NF1: variants seen among roughly 807,000 people sequenced by gnomAD.
NF1 encodes the protein neurofibromin.
A neutral mutation model predicts 325.7 loss-of-function variants in NF1; 122 were observed. The observed-to-expected ratio is 0.37, with a 90% CI of 0.32 to 0.44. NF1 has a LOEUF of 0.44. NF1 is among the 20% of genes least tolerant of loss of function. The probability of loss-of-function intolerance (pLI) is 1.00; values close to 1 mark genes in which losing one functional copy is unlikely to be tolerated. For missense variants in NF1, 2,140 were observed against 3,415.4 expected (o/e 0.63, Z 9.31); for synonymous variants, 1,091 against 1,186.0 (o/e 0.92, Z 1.65).
intron 13 of NF1, among the ~76,000 whole-genome samples, chr17:31,215,948 A>G (rs1443596528): frequency 1.3e-5 from 2 of 152,176 alleles, no homozygotes; most frequent in African/African-American, 4.8e-5. Flanking sequence ...GAGAGGAGAG[A>G]AGAAGGAACA....
At chr17:31,331,917 A>AAAAAAAAC (rs2069504165) in intron 39 of NF1, 1 of 138,036 alleles carries the variant, frequency 7.2e-6, no homozygotes, top group African/African-American at 2.6e-5. Context: ...AAAAAAAAAA[A>AAAAAAAAC]AAAAAAAAAA....
At chr17:31,217,317 T>C (rs2066835636) in intron 13 of NF1, among the ~76,000 whole-genome samples, 1 of 256 alleles carries the variant, frequency 3.9e-3, no homozygotes, top group Admixed American at 0.013. Flanking sequence ...ATATTCTTCT[T>C]TTTTTTTTTT....
At chr17:31,298,625 T>C (rs2068513328) in intron 36 of NF1, among the ~76,000 whole-genome samples, 1 of 152,102 alleles carries the variant, frequency 6.6e-6, no homozygotes, top group Admixed American at 6.5e-5. Flanking sequence ...TAGAAGTTTA[T>C]TGTTGATTGG....
intron 1 of NF1, among the ~76,000 whole-genome samples, chr17:31,106,305 A>T (rs1912857609): frequency 6.6e-6 from 1 of 152,218 alleles, no homozygotes; most frequent in South Asian, 2.1e-4. Flanking sequence ...TATGAATCTT[A>T]TATGAAAGGA....
At chr17:31,318,660 A>G (rs1248384149) in intron 36 of NF1, 1 of 1,614,118 alleles carries the variant, frequency 6.2e-7, no homozygotes, top group Non-Finnish European at 8.5e-7. Flanking sequence ...TGAAAATTTC[A>G]CCATGACTTT....
At chr17:31,212,457 C>T (rs752963388) in intron 12 of NF1, among the ~76,000 whole-genome samples, 2 of 152,200 alleles carry the variant, frequency 1.3e-5, no homozygotes, top group Non-Finnish European at 2.9e-5. Context: ...GCCTGTAGTC[C>T]CAGCACTTTG....
At position 31,114,547 on chromosome 17, in the gene NF1, TAAA is replaced by T. The variant is rs143972435; in HGVS notation, c.60+19188_60+19190del. ...AGTGAGACTGTCTCACAAAAAAGAATAAAAAAAAAAAAGAAAAAAAGACCATGG... is the reference window on the plus strand; with the variant it reads ...AGTGAGACTGTCTCACAAAAAAGAATAAAAAAAAAGAAAAAAAGACCATGG... On this transcript the variant is annotated intron_variant, in intron 1 of 57. Transcript: ENST00000358273. Among the ~76,000 whole-genome samples the T allele has an allele frequency of 8.8e-5, 9 of 102,038 alleles. No homozygotes were observed. In the East Asian group the frequency reaches 2.6e-3, roughly 30 times the overall value. 66.9% of individuals were successfully genotyped at this position (102,038 alleles called of 152,430 possible). A position where few individuals can be genotyped will look rare whatever the true frequency, so the allele number is the denominator to read the frequency against.
At chr17:31,234,670 C>CA (rs754308242) in intron 27 of NF1, among the ~76,000 whole-genome samples, 920 of 56,112 alleles carry the variant, frequency 0.016, 68 homozygotes, top group East Asian at 0.03. Flanking sequence ...GACTCTGTCT[C>CA]AAAAAAAAAA....
intron 31 of NF1, among the ~76,000 whole-genome samples, chr17:31,256,230 T>A (rs1028120873): frequency 6.6e-6 from 1 of 152,136 alleles, no homozygotes; most frequent in Non-Finnish European, 1.5e-5. Context: ...CTCCACCTCC[T>A]GGGTTTAAGC....
intron 50 of NF1, among the ~76,000 whole-genome samples, 195 bp from the exon 51 acceptor site, chr17:31,352,062 C>T (rs952616124): frequency 6.6e-6 from 1 of 152,068 alleles, no homozygotes; most frequent in African/African-American, 2.4e-5. Flanking sequence ...CTACTATGTG[C>T]AAGATACTAT....
rs928979051 is a variant in NF1, at chr17:31,226,421, C to T, written c.2002-14C>T. On this transcript the variant is annotated splice_polypyrimidine_tract_variant and intron_variant, in intron 17 of 57. Transcript: ENST00000358273. The stretch of plus-strand genomic sequence containing the variant: ...CCAAGTTGCAAATATATGTCTTCCA[C>T]CCTTGACTCTCAGGATAGTGCAGCA... 5 of 1,612,310 alleles carry T rather than the reference C, an allele frequency of 3.1e-6. No homozygotes were observed. Among genetic ancestry groups the T allele is most frequent in the Admixed American group, 1.7e-5 (1 of 59,834 alleles).
intron 3 of NF1, among the ~76,000 whole-genome samples, chr17:31,161,225 T>A (rs1238196300): frequency 6.6e-6 from 1 of 152,226 alleles, no homozygotes; most frequent in South Asian, 2.1e-4. Context: ...TTTAAAAGAT[T>A]TAATACTTCT....
At chr17:31,124,847 C>T (rs764263377) in intron 1 of NF1, among the ~76,000 whole-genome samples, 13 of 150,578 alleles carry the variant, frequency 8.6e-5, no homozygotes, top group Non-Finnish European at 1.5e-4. Context: ...ATGATCTGTC[C>T]GCCTTGGCCT....
At position 31,305,412 on chromosome 17, in the gene NF1, A is replaced by G. The variant is rs749796377; in HGVS notation, c.4836-20408A>G. ...TGGCAGGTGATATTGATTGTCCAGAAAAAGTGTCGCTGAATTGTGTTGGTT... is the reference window on the plus strand; with the variant it reads ...TGGCAGGTGATATTGATTGTCCAGAGAAAGTGTCGCTGAATTGTGTTGGTT... On this transcript the variant is annotated intron_variant, in intron 36 of 57. Transcript: ENST00000358273. The G allele has an allele frequency of 3.7e-6, 6 of 1,614,070 alleles. No homozygotes were observed. The East Asian group carries it at 6.7e-5, about 18-fold the overall frequency.
chr17:31,207,121 A>G lies in NF1; in HGVS notation c.1392+750A>G, dbSNP rs991539772. Among the ~76,000 whole-genome samples, 21 of 152,184 alleles carry G rather than the reference A, an allele frequency of 1.4e-4. No homozygotes were observed. The highest frequency in any genetic ancestry group is 2.6e-4 in the Admixed American group (4 of 15,276). On this transcript the variant is annotated intron_variant, in intron 12 of 57. Transcript: ENST00000358273. ...CTTTGTCTTCTGCTTCTTATTTTCT[A>G]TTATTGGCTGCTGTCGCTCACATGA...
At chr17:31,366,522 T>G (rs2070524360) in intron 57 of NF1, among the ~76,000 whole-genome samples, 1 of 152,192 alleles carries the variant, frequency 6.6e-6, no homozygotes, top group African/African-American at 2.4e-5. Flanking sequence ...CGGAGGGATA[T>G]TTCATCTAAA....
intron 31 of NF1, among the ~76,000 whole-genome samples, chr17:31,256,595 C>A (rs1395855835): frequency 6.6e-6 from 1 of 152,184 alleles, no homozygotes. Flanking sequence ...GGTTCCTCGT[C>A]CCCAGAAGGT....
chr17:31,157,883 G>A (rs2065693648), intron 2 of NF1, among the ~76,000 whole-genome samples: 2 of 151,682 alleles, frequency 1.3e-5, no homozygotes, highest in African/African-American at 2.4e-5. Context: ...GGAGAATGGC[G>A]TGAACCCGGG....
In NF1 at chr17:31,230,854, A is replaced by G. The variant is rs2151432376; in HGVS notation, c.3126A>G (p.Val1042=). The change falls in exon 24 of 58, where the codon GTA becomes GTG. Residue 1042 remains valine, a synonymous_variant. Transcript: ENST00000358273. The stretch of plus-strand genomic sequence containing the variant: ...CACCATTCTATAGGAATAAGATGGT[A>G]GAATACCTGACAGACTGGGTTATGG... ...CQEMKFRNKM[V]EYLTDWVMGT... 4 of 1,605,050 alleles carry G rather than the reference A, an allele frequency of 2.5e-6. No individual in the cohort carries two copies. In the South Asian group the frequency reaches 3.3e-5, roughly 13 times the overall value.
Sources: gnomAD v4.1 joint callset for allele counts (sites outside exome capture counted in the v4.1 genomes callset) on GRCh38, gnomAD v4.1.1 for gene constraint, MANE v1.5 for transcripts, NCBI Gene and HGNC (gene_info 2026-07-23, HGNC 2026-07-21) for gene names.